The following CLIP2 variants were observed in gnomAD, a reference collection of about 807,000 sequenced individuals.
CLIP2 encodes CAP-Gly domain containing linker protein 2, also known as CAP-Gly domain-containing linker protein 2.
In CLIP2, 41 loss-of-function variants were observed where a neutral mutation model predicts 111.7. The observed-to-expected ratio is 0.37, with a 90% confidence interval of 0.29 to 0.48. The LOEUF (loss-of-function observed/expected upper bound fraction) is 0.48. Ranked by LOEUF, CLIP2 falls within the 20% of genes least tolerant of loss-of-function variation. CLIP2 has a pLI of 0.99. For missense variants in CLIP2, 1,160 were observed against 1,422.1 expected, an observed-to-expected ratio of 0.82 and a Z score of 2.96; for synonymous variants, 660 against 644.2, an observed-to-expected ratio of 1.02 and a Z score of -0.37.
chr7:74,334,542 G>T (rs1239549241), intron 2 of CLIP2, among the ~76,000 whole-genome samples: 1 of 152,144 alleles, frequency 6.6e-6, no homozygotes, highest in African/African-American at 2.4e-5. Flanking sequence ...CAGAGGGCAG[G>T]TAGAAACAGA....
Position 74,386,516 on chromosome 7 carries a change from C to T in CLIP2, c.2480-5C>T, listed in dbSNP as rs1554314814. ...GATGCTTCTCGTCTCTCCTCTCTCC[C>T]CTAGGCCTGCAGGACAAGCTGAACA... On this transcript the variant is annotated splice_region_variant and splice_polypyrimidine_tract_variant and intron_variant, in intron 11 of 16. Coordinates refer to ENST00000223398, the MANE Select transcript of CLIP2 (RefSeq NM_003388.5). The T allele has an allele frequency of 6.2e-7, 1 of 1,611,464 alleles. No individual in the cohort carries two copies. Among genetic ancestry groups the T allele is most frequent in the Non-Finnish European group, 8.5e-7 (1 of 1,178,680 alleles).
intron 11 of CLIP2, 56 bp downstream of exon 11, chr7:74,380,919 T>C (rs1554313787): frequency 1.3e-6 from 2 of 1,541,626 alleles, no homozygotes; most frequent in Non-Finnish European, 1.8e-6. Flanking sequence ...GCTGGCTGGC[T>C]CTGCCTTCCT....
intron 13 of CLIP2, among the ~76,000 whole-genome samples, chr7:74,389,823 C>G (rs1037151132): frequency 1.3e-5 from 2 of 151,558 alleles, no homozygotes; most frequent in African/African-American, 4.8e-5. Context: ...TCCTTGAACC[C>G]GAGAGGAGGA....
intron 8 of CLIP2, among the ~76,000 whole-genome samples, chr7:74,369,557 T>C (rs1220132807): frequency 6.7e-6 from 1 of 148,580 alleles, no homozygotes; most frequent in African/African-American, 2.5e-5. Flanking sequence ...AATAAATAAA[T>C]AAAAATTTTT....
At chr7:74,333,345 A>G (rs1554731631) in intron 2 of CLIP2, among the ~76,000 whole-genome samples, 5 of 150,776 alleles carry the variant, frequency 3.3e-5, no homozygotes, top group African/African-American at 1.2e-4. Flanking sequence ...CACCACGCCC[A>G]GCTAATTATG....
chr7:74,326,636 G>A (rs576631850), intron 2 of CLIP2, among the ~76,000 whole-genome samples: 2 of 151,010 alleles, frequency 1.3e-5, no homozygotes, highest in Admixed American at 6.6e-5. Flanking sequence ...TGGGCCCAGA[G>A]CATTTTTTTT....
Position 74,338,419 on chromosome 7 carries a change from T to TCTTTCC in CLIP2, c.122-20_122-15dup, listed in dbSNP as rs532395110. 1.5e-4 allele frequency: 235 copies of TCTTTCC among 1,607,176 alleles called. No individual in the cohort carries two copies. The African/African-American group carries it at 3.0e-3, about 20-fold the overall frequency. On this transcript the variant is annotated intron_variant, in intron 2 of 16. Coordinates refer to ENST00000223398, the MANE Select transcript of CLIP2 (RefSeq NM_003388.5). The surrounding 1 kb of genome is among the most constrained non-coding windows in gnomAD (Gnocchi z 4.3). ...CCAGGGGCCAGCCCTAACAGCCACC[T>TCTTTCC]CTTTCCCTTTCCCTCTCCTTCTCTG...
chr7:74,345,459 C>G (rs1789775477), intron 3 of CLIP2, among the ~76,000 whole-genome samples: 1 of 151,860 alleles, frequency 6.6e-6, no homozygotes, highest in East Asian at 2.0e-4. Flanking sequence ...TCTTGAACTC[C>G]TGGCCTCAAG....
intron 16 of CLIP2, among the ~76,000 whole-genome samples, chr7:74,403,252 G>A (rs1259152659): frequency 6.7e-6 from 1 of 149,738 alleles, no homozygotes; most frequent in Non-Finnish European, 1.5e-5. Context: ...ATCCAGCCCC[G>A]TACAGGCACT....
intron 3 of CLIP2, among the ~76,000 whole-genome samples, chr7:74,348,789 C>CAAA (rs377752236): frequency 4.6e-5 from 5 of 108,362 alleles, no homozygotes; most frequent in Non-Finnish European, 8.8e-5. Context: ...GACTCTGTCT[C>CAAA]AAAAAAAAAA....
At chr7:74,304,556 C>A (rs201748981) in intron 1 of CLIP2, among the ~76,000 whole-genome samples, 346 of 130,188 alleles carry the variant, frequency 2.7e-3, no homozygotes, top group Non-Finnish European at 2.9e-3. Flanking sequence ...GAGACTCTGA[C>A]AAAAAAAAAA....
chr7:74,385,156 G>A (rs1481645977), intron 11 of CLIP2, among the ~76,000 whole-genome samples: 1 of 150,284 alleles, frequency 6.7e-6, no homozygotes, highest in Non-Finnish European at 1.5e-5. Flanking sequence ...TTAGCCGGGT[G>A]TGGTGATGCA....
At chr7:74,329,777 T>TTATG (rs1564042806) in intron 2 of CLIP2, among the ~76,000 whole-genome samples, 1 of 151,552 alleles carries the variant, frequency 6.6e-6, no homozygotes, top group Non-Finnish European at 1.5e-5. Flanking sequence ...ATTTATCTAT[T>TTATG]TATTTATTTA....
intron 1 of CLIP2, among the ~76,000 whole-genome samples, chr7:74,292,111 G>A (rs1424966183): frequency 7.2e-5 from 11 of 151,950 alleles, no homozygotes; most frequent in African/African-American, 1.9e-4. Flanking sequence ...TAGTAGAGAC[G>A]GGGTTTCACC....
intron 1 of CLIP2, among the ~76,000 whole-genome samples, chr7:74,294,117 A>G (rs1788105092): frequency 6.6e-6 from 1 of 152,112 alleles, no homozygotes; most frequent in Non-Finnish European, 1.5e-5. Flanking sequence ...GGGTTTCACC[A>G]TGTTGGCCAG....
intron 5 of CLIP2, 123 bp from the exon 6 acceptor site, chr7:74,357,157 C>G: frequency 1.3e-6 from 1 of 756,602 alleles, no homozygotes. Flanking sequence ...AGAGCAGGAC[C>G]CTGGGAGTCA....
At chr7:74,327,650 C>G (rs1789153443) in intron 2 of CLIP2, among the ~76,000 whole-genome samples, 1 of 152,210 alleles carries the variant, frequency 6.6e-6, no homozygotes, top group South Asian at 2.1e-4. Context: ...CTTCTCGGCT[C>G]TCCACTGACC....
chr7:74,347,912 GC>G (rs1300511543), intron 3 of CLIP2, among the ~76,000 whole-genome samples: 1 of 152,176 alleles, frequency 6.6e-6, no homozygotes, highest in African/African-American at 2.4e-5. Context: ...AGGGGCGGGG[GC>G]TCACACCTGT....
chr7:74,344,908 C>T (rs1554306011), intron 3 of CLIP2, among the ~76,000 whole-genome samples: 1 of 152,070 alleles, frequency 6.6e-6, no homozygotes, highest in African/African-American at 2.4e-5. Flanking sequence ...GACACCAGGG[C>T]CCTACCCAAG....
Sources: allele counts gnomAD v4.1 joint callset (sites outside exome capture counted in the v4.1 genomes callset), GRCh38; gene constraint gnomAD v4.1.1; non-coding constraint Gnocchi (gnomAD v3.1); transcripts MANE v1.5; gene names NCBI Gene and HGNC (gene_info 2026-07-23, HGNC 2026-07-21).